TLR7: variants seen among roughly 807,000 people sequenced by gnomAD.
TLR7 encodes toll-like receptor 7.
Under a neutral mutation model 38.3 loss-of-function variants are expected in TLR7, and 12 were observed. The observed-to-expected ratio is 0.31, with a 90% confidence interval of 0.20 to 0.51. The LOEUF is 0.51. Among genes scored for constraint, TLR7 ranks in the 20% least tolerant of loss-of-function variants. The probability of loss-of-function intolerance (pLI) is 0.98; values close to 1 mark genes in which losing one functional copy is unlikely to be tolerated. For missense variants in TLR7, 504 were observed against 743.4 expected, an observed-to-expected ratio of 0.68 and a Z score of 3.74; for synonymous variants, 285 against 293.8, an observed-to-expected ratio of 0.97 and a Z score of 0.31.
chrX:12,888,780 A>C lies in TLR7; in HGVS notation c.*122A>C. 1 of 813,442 alleles carries C rather than the reference A, an allele frequency of 1.2e-6. No individual in the cohort carries two copies. Among genetic ancestry groups the C allele is most frequent in the Admixed American group, 3.6e-5 (1 of 27,906 alleles). 67.0% of individuals were successfully genotyped at this position (813,442 alleles called of 1,213,427 possible). On this transcript the variant is annotated 3_prime_UTR_variant, in exon 3 of 3. Transcript: ENST00000380659. The stretch of plus-strand genomic sequence containing the variant: ...TTCTTCAAGAAATGAGATTGCCCAT[A>C]TTTCAGGGGAGCCACCAACGTCTGT...
At position 12,886,276 on chromosome X, in the gene TLR7, A is replaced by G. The variant is rs368887343; in HGVS notation, c.768A>G (p.Leu256=). The G allele has an allele frequency of 1.7e-5, 21 of 1,210,055 alleles. No homozygotes were observed. In the African/African-American group the frequency reaches 3.1e-4, roughly 18 times the overall value. Residue 256 remains leucine (L), a synonymous_variant, in exon 3 of 3, where the codon CTA becomes CTG. Coordinates refer to ENST00000380659, the MANE Select transcript of TLR7 (RefSeq NM_016562.4). ...NNLNQLQILD[L]SGNCPRCYNA... is the part of the protein sequence containing the mutation. ...TCAACCAATTACAAATTCTTGACCT[A>G]AGTGGAAATTGCCCTCGTTGTTATA...
At chrX:12,883,252 C>T (rs1347128303) in intron 2 of TLR7, among the ~76,000 whole-genome samples, 1 of 112,366 alleles carries the variant, frequency 8.9e-6, no homozygotes, top group Non-Finnish European at 1.9e-5. Flanking sequence ...GCTTCCTGTA[C>T]CCACTGGCAT....
intron 2 of TLR7, among the ~76,000 whole-genome samples, chrX:12,876,396 G>A (rs1354564864): frequency 8.9e-6 from 1 of 112,522 alleles, no homozygotes; most frequent in Non-Finnish European, 1.9e-5. Flanking sequence ...TCAAAATGCA[G>A]ACACACATTA....
chrX:12,888,287 T>C lies in TLR7; in HGVS notation c.2779T>C (p.Cys927Arg). 8.3e-7 allele frequency: 1 copy of C among 1,211,704 alleles called. No individual in the cohort carries two copies. The highest frequency in any genetic ancestry group is 1.1e-6 in the Non-Finnish European group (1 of 895,543). ...EDPREKHFNL[C>R]LEERDWLPGQ... The stretch of plus-strand genomic sequence containing the variant: ...CCCAAGAGAGAAACATTTTAATTTA[T>C]GTCTCGAGGAAAGGGACTGGTTACC... The change falls in exon 3 of 3, where the codon TGT (cysteine) becomes CGT (arginine). Residue 927 changes from cysteine to arginine, a missense_variant. By Grantham distance (180) the Cys-to-Arg change is radical. Coordinates refer to ENST00000380659, the MANE Select transcript of TLR7 (RefSeq NM_016562.4).
At position 12,881,215 on chromosome X, in the gene TLR7, G is replaced by A. The variant is rs373146855; in HGVS notation, c.4-4297G>A. Among the ~76,000 whole-genome samples, 11 of 97,988 alleles carry A rather than the reference G, an allele frequency of 1.1e-4. No individual in the cohort carries two copies. The East Asian group carries it at 2.4e-3, about 21-fold the overall frequency. 85.1% of individuals were successfully genotyped at this position (97,988 alleles called of 115,157 possible). A position where few individuals can be genotyped will look rare whatever the true frequency, so the allele number is the denominator to read the frequency against. ...GCACTCCAGCCTGGGCAATAAGAGC[G>A]AAACTCAGTCTCAAATAATAATAAT... is the stretch of plus-strand genomic sequence containing the variant. On this transcript the variant is annotated intron_variant, in intron 2 of 2. Transcript: ENST00000380659.
chrX:12,880,263 G>A (rs1419003619), intron 2 of TLR7, among the ~76,000 whole-genome samples: 2 of 111,731 alleles, frequency 1.8e-5, no homozygotes, highest in East Asian at 5.6e-4. Context: ...TGTTGTTTCT[G>A]TGTCCATCAT....
In TLR7 at chrX:12,886,964, T is replaced by A; in HGVS notation, c.1456T>A (p.Ser486Thr). Residue 486 changes from serine (S) to threonine (T), a missense_variant, in exon 3 of 3, where the codon TCT becomes ACT. Physicochemically the swap from Ser to Thr is moderately conservative, Grantham distance 58. Coordinates refer to ENST00000380659, the MANE Select transcript of TLR7 (RefSeq NM_016562.4). ...RFKNKEASFM[S>T]VNESCYKYGQ... ...CAAAAACAAAGAGGCTTCTTTCATG[T>A]CTGTTAATGAAAGCTGCTACAAGTA... The A allele has an allele frequency of 4.1e-6, 5 of 1,211,211 alleles. No homozygotes were observed. Among genetic ancestry groups the A allele is most frequent in the Non-Finnish European group, 5.6e-6 (5 of 895,120 alleles).
In TLR7 at chrX:12,885,539, C is replaced by A. The variant is rs756933603; in HGVS notation, c.31C>A (p.Gln11Lys). The A allele has an allele frequency of 8.3e-7, 1 of 1,205,007 alleles. No individual in the cohort carries two copies. Among genetic ancestry groups the A allele is most frequent in the Non-Finnish European group, 1.1e-6 (1 of 890,288 alleles). The change falls in exon 3 of 3, where the codon CAA becomes AAA. Residue 11 changes from glutamine (Q) to lysine (K), a missense_variant. By Grantham distance (53) the Gln-to-Lys change is moderately conservative. Transcript: ENST00000380659. MVFPMWTLKR[Q>K]ILILFNIILI... ...GTTTCCAATGTGGACACTGAAGAGA[C>A]AAATTCTTATCCTTTTTAACATAAT...
At chrX:12,880,432 A>G (rs2042887254) in intron 2 of TLR7, among the ~76,000 whole-genome samples, 1 of 111,734 alleles carries the variant, frequency 8.9e-6, no homozygotes, top group Non-Finnish European at 1.9e-5. Context: ...AGATGAGAGG[A>G]GGGAGTGATT....
chrX:12,886,232 G>A lies in TLR7; in HGVS notation c.724G>A (p.Glu242Lys). The change falls in exon 3 of 3, where the codon GAA becomes AAA. Residue 242 changes from glutamate (E) to lysine (K), a missense_variant. Coordinates refer to ENST00000380659, the MANE Select transcript of TLR7 (RefSeq NM_016562.4). ...CAACAACATGATTGCAAAAATCCAAGAAGATGATTTTAATAACCTCAACCA... is the reference window on the plus strand; with the variant it reads ...CAACAACATGATTGCAAAAATCCAAAAAGATGATTTTAATAACCTCAACCA... ...LYNNMIAKIQ[E>K]DDFNNLNQLQ... 1 of 1,211,701 alleles carries A rather than the reference G, an allele frequency of 8.3e-7. No homozygotes were observed. The highest frequency in any genetic ancestry group is 1.1e-6 in the Non-Finnish European group (1 of 895,488).
chrX:12,884,013 T>A (rs907029876), intron 2 of TLR7, among the ~76,000 whole-genome samples: 3 of 111,169 alleles, frequency 2.7e-5, no homozygotes, highest in African/African-American at 9.8e-5. Context: ...AGGGTCTTGC[T>A]CTGTCACCCT....
At chrX:12,874,358 CTTACT>C (rs200919402) in intron 2 of TLR7, among the ~76,000 whole-genome samples, 2,373 of 111,230 alleles carry the variant, frequency 0.021, 67 homozygotes, top group African/African-American at 0.072. Context: ...ACATATAATG[CTTACT>C]TTAAAGAAAA....
Position 12,889,783 on chromosome X carries a change from T to C in TLR7, c.*1125T>C, listed in dbSNP as rs200353251. 4 of 112,981 alleles carry C rather than the reference T, an allele frequency of 3.5e-5. No homozygotes were observed. The highest frequency in any genetic ancestry group is 9.4e-5 in the Admixed American group (1 of 10,688). The allele number at this position is 112,981 out of a possible 1,213,427, so 9.3% of individuals were successfully genotyped here. On this transcript the variant is annotated 3_prime_UTR_variant, in exon 3 of 3. Transcript: ENST00000380659. ...CAAACTGTTTTGTTAACTAATGCCA[T>C]ATATTTGTAAGTATCTGCACACTTG... is the stretch of plus-strand genomic sequence containing the variant.
intron 2 of TLR7, among the ~76,000 whole-genome samples, chrX:12,881,774 C>T (rs1376789339): frequency 9.0e-6 from 1 of 110,612 alleles, no homozygotes; most frequent in African/African-American, 3.3e-5. Flanking sequence ...CATGTAGCAC[C>T]AAAGGTTTCG....
At chrX:12,871,433 T>C (rs763037711) in intron 2 of TLR7, among the ~76,000 whole-genome samples, 40 of 111,660 alleles carry the variant, frequency 3.6e-4, no homozygotes, top group African/African-American at 1.2e-3. Flanking sequence ...AAAAAGTCAA[T>C]GAATTTGAGG....
At chrX:12,876,905 C>A (rs1008718413) in intron 2 of TLR7, among the ~76,000 whole-genome samples, 13 of 99,503 alleles carry the variant, frequency 1.3e-4, no homozygotes, top group Non-Finnish European at 2.4e-4. Context: ...AGATGCATGT[C>A]TTTAGGCAAT....
rs1482317954 is a variant in TLR7 at position 12,886,299 on chromosome X, A to T, written c.791A>T (p.Tyr264Phe). Residue 264 changes from tyrosine (Y) to phenylalanine (F), a missense_variant, in exon 3 of 3, where the codon TAT becomes TTT. Physicochemically the swap from Tyr to Phe is conservative, Grantham distance 22 (BLOSUM62 3). Coordinates refer to ENST00000380659, the MANE Select transcript of TLR7 (RefSeq NM_016562.4). ...CTAAGTGGAAATTGCCCTCGTTGTT[A>T]TAATGCCCCATTTCCTTGTGCGCCG... ...LDLSGNCPRCYNAPFPCAPCK... is the reference protein window; with the variant it reads ...LDLSGNCPRCFNAPFPCAPCK... The T allele has an allele frequency of 3.3e-6, 4 of 1,211,788 alleles. No individual in the cohort carries two copies. Among genetic ancestry groups the T allele is most frequent in the Non-Finnish European group, 4.5e-6 (4 of 895,235 alleles).
chrX:12,878,165 A>C (rs1213435742), intron 2 of TLR7, among the ~76,000 whole-genome samples: 3 of 112,082 alleles, frequency 2.7e-5, no homozygotes, highest in African/African-American at 9.7e-5. Flanking sequence ...CCTCATTGTA[A>C]ATGAGCATAT....
At chrX:12,869,196 G>A (rs2042843777) in intron 2 of TLR7, among the ~76,000 whole-genome samples, 1 of 111,652 alleles carries the variant, frequency 9.0e-6, no homozygotes, top group African/African-American at 3.3e-5. Context: ...AGGGGAAATA[G>A]TATATCTTTT....
Sources: allele counts gnomAD v4.1 joint callset (sites outside exome capture counted in the v4.1 genomes callset), GRCh38; gene constraint gnomAD v4.1.1; transcripts MANE v1.5; gene names NCBI Gene and HGNC (gene_info 2026-07-23, HGNC 2026-07-21).